CDH4: variants seen among roughly 807,000 people sequenced by gnomAD.
CDH4 encodes the protein cadherin-4.
Under a neutral mutation model 86.0 loss-of-function variants are expected in CDH4, and 33 were observed. The ratio of observed to expected loss-of-function variants is 0.38; its 90% CI spans 0.29 to 0.51. The LOEUF (loss-of-function observed/expected upper bound fraction) is 0.51, where lower values mean the gene tolerates loss of function less well. CDH4 is among the 20% of genes least tolerant of loss of function. The probability of loss-of-function intolerance (pLI) is 0.86; values close to 1 mark genes in which losing one functional copy is unlikely to be tolerated. For missense variants in CDH4, 1,114 were observed against 1,307.4 expected (o/e 0.85, Z 2.28); for synonymous variants, 555 against 549.4 (o/e 1.01, Z -0.14).
chr20:61,841,051 C>T (rs1982141048), intron 4 of CDH4, among the ~76,000 whole-genome samples: 1 of 152,248 alleles, frequency 6.6e-6, no homozygotes, highest in East Asian at 1.9e-4. Flanking sequence ...CTAGCAATAG[C>T]GCACAGTGAA....
intron 4 of CDH4, among the ~76,000 whole-genome samples, chr20:61,777,097 A>T (rs4925286): frequency 2.1e-4 from 32 of 152,020 alleles, no homozygotes; most frequent in South Asian, 1.9e-3. Context: ...TCAGTTCGCC[A>T]TAGTGCTTGG....
intron 5 of CDH4, among the ~76,000 whole-genome samples, chr20:61,852,321 C>T (rs972526272): frequency 6.6e-6 from 1 of 151,880 alleles, no homozygotes; most frequent in Non-Finnish European, 1.5e-5. Context: ...ACTAACCTTA[C>T]AGTGGCAGGA....
chr20:61,761,938 C>A (rs1027682380), intron 3 of CDH4, among the ~76,000 whole-genome samples: 8 of 151,934 alleles, frequency 5.3e-5, no homozygotes, highest in Admixed American at 2.0e-4. Flanking sequence ...GCAGGCAGCG[C>A]CGCACGGCAG....
At chr20:61,314,843 C>T (rs1487441099) in intron 2 of CDH4, among the ~76,000 whole-genome samples, 1 of 152,188 alleles carries the variant, frequency 6.6e-6, no homozygotes, top group East Asian at 1.9e-4. Context: ...GCGATGACAG[C>T]GCATTGTGGT....
intron 2 of CDH4, among the ~76,000 whole-genome samples, chr20:61,722,986 C>T (rs768603312): frequency 4.6e-5 from 7 of 152,184 alleles, no homozygotes; most frequent in Non-Finnish European, 8.8e-5. Flanking sequence ...CCACAGACAT[C>T]CTGGGTCCTG....
chr20:61,327,751 T>G lies in CDH4; in HGVS notation c.169+72814T>G, dbSNP rs151126136. Among the ~76,000 whole-genome samples, 163 of 152,258 alleles carry G rather than the reference T, an allele frequency of 1.1e-3. 1 individual carries two copies. Among genetic ancestry groups the G allele is most frequent in the African/African-American group, 3.7e-3 (155 of 41,530 alleles). On this transcript the variant is annotated intron_variant, in intron 2 of 15. Coordinates refer to ENST00000614565, the MANE Select transcript of CDH4 (RefSeq NM_001794.5). ...CACTTCTGGGAATTTATTCTATAGA[T>G]GTACCCACAGGTGTGCAGGGGTCTT...
chr20:61,537,765 A>G (rs573718614), intron 2 of CDH4, among the ~76,000 whole-genome samples: 1 of 152,334 alleles, frequency 6.6e-6, no homozygotes. Flanking sequence ...GGTCTTTCAA[A>G]GGAGAGCTTG....
chr20:61,585,133 T>C (rs887558827), intron 2 of CDH4, among the ~76,000 whole-genome samples: 2 of 152,218 alleles, frequency 1.3e-5, no homozygotes, highest in African/African-American at 4.8e-5. Flanking sequence ...ACCAACACGG[T>C]AAGTGGCAGA....
chr20:61,318,642 C>A (rs1270729733), intron 2 of CDH4, among the ~76,000 whole-genome samples: 1 of 152,046 alleles, frequency 6.6e-6, no homozygotes, highest in Non-Finnish European at 1.5e-5. Context: ...ATCAGTGATA[C>A]TCAGTCAGAA....
chr20:61,782,865 C>A (rs956605638), intron 4 of CDH4, among the ~76,000 whole-genome samples: 1 of 152,240 alleles, frequency 6.6e-6, no homozygotes, highest in African/African-American at 2.4e-5. Flanking sequence ...GGACGTACCA[C>A]TTGAGGCCAG....
chr20:61,646,276 C>G (rs965488557), intron 2 of CDH4, among the ~76,000 whole-genome samples: 1 of 152,160 alleles, frequency 6.6e-6, no homozygotes, highest in African/African-American at 2.4e-5. Flanking sequence ...TCCTGACACT[C>G]TGGTCCCCAG....
chr20:61,805,203 C>T (rs557006774), intron 4 of CDH4, among the ~76,000 whole-genome samples: 1 of 152,214 alleles, frequency 6.6e-6, no homozygotes, highest in Non-Finnish European at 1.5e-5. Flanking sequence ...AGTCCTTGAC[C>T]CAGCCCCCCA....
At chr20:61,627,073 A>AG (rs1333115036) in intron 2 of CDH4, among the ~76,000 whole-genome samples, 2 of 151,630 alleles carry the variant, frequency 1.3e-5, no homozygotes, top group Non-Finnish European at 2.9e-5. Context: ...GTTTTGGAGG[A>AG]GGGTGGGTGG....
chr20:61,284,704 A>G (rs545277743), intron 2 of CDH4, among the ~76,000 whole-genome samples: 5 of 152,240 alleles, frequency 3.3e-5, no homozygotes, highest in Admixed American at 6.5e-5. Context: ...ATTGATAAAT[A>G]GGCAAAACCC....
At chr20:61,348,440 G>A (rs558902169) in intron 2 of CDH4, among the ~76,000 whole-genome samples, 2 of 152,182 alleles carry the variant, frequency 1.3e-5, no homozygotes, top group East Asian at 3.9e-4. Context: ...ATTTGGCTGG[G>A]GACATAGCCA....
chr20:61,642,196 A>G (rs942497313), intron 2 of CDH4, among the ~76,000 whole-genome samples: 2 of 152,240 alleles, frequency 1.3e-5, no homozygotes, highest in African/African-American at 4.8e-5. Context: ...CTTTTTACCA[A>G]TACGGTCATG....
intron 2 of CDH4, among the ~76,000 whole-genome samples, chr20:61,679,943 C>T (rs2087492046): frequency 6.6e-6 from 1 of 152,214 alleles, no homozygotes; most frequent in African/African-American, 2.4e-5. Flanking sequence ...TGCCCAGGGC[C>T]TCGGGTAGCC....
In CDH4 at chr20:61,338,452, G is replaced by A. The variant is rs144746674; in HGVS notation, c.169+83515G>A. On this transcript the variant is annotated intron_variant, in intron 2 of 15. Coordinates refer to ENST00000614565, the MANE Select transcript of CDH4 (RefSeq NM_001794.5). ...GAGCCAAAGACGTTGTTTTCTCACC[G>A]TGAAGACTCGTTCTCCAGAAGAATG... 1.1e-3 allele frequency among the ~76,000 whole-genome samples: 162 copies of A among 152,254 alleles called. 1 individual carries two copies. In the East Asian group the frequency reaches 0.013, roughly 13 times the overall value.
chr20:61,923,741 C>T (rs2055012240), intron 10 of CDH4, 37 bp downstream of exon 10: 1 of 1,603,432 alleles, frequency 6.2e-7, no homozygotes, highest in Non-Finnish European at 8.5e-7. Flanking sequence ...CTGCCTGCAG[C>T]TTCCCAGGTT....
Sources: gnomAD v4.1 joint callset for allele counts (sites outside exome capture counted in the v4.1 genomes callset) on GRCh38, gnomAD v4.1.1 for gene constraint, MANE v1.5 for transcripts, NCBI Gene and HGNC (gene_info 2026-07-23, HGNC 2026-07-21) for gene names.